TMCO5A: variants seen among roughly 807,000 people sequenced by gnomAD.
The protein encoded by TMCO5A is transmembrane and coiled-coil domain-containing protein 5A.
Under a neutral mutation model 42.3 loss-of-function variants are expected in TMCO5A, and 34 were observed. The ratio of observed to expected loss-of-function variants is 0.80; its 90% confidence interval spans 0.61 to 1.07. The LOEUF (loss-of-function observed/expected upper bound fraction) is 1.07. Ranked by LOEUF, TMCO5A falls within the 50% of genes least tolerant of loss-of-function variation. The pLI is 0.00. For missense variants in TMCO5A, 357 were observed against 327.9 expected, an observed-to-expected ratio of 1.09 and a Z score of -0.69; for synonymous variants, 131 against 115.6, an observed-to-expected ratio of 1.13 and a Z score of -0.86.
the TMCO5A span, among the ~76,000 whole-genome samples, chr15:38,031,420 G>T: frequency 6.6e-6 from 1 of 152,224 alleles, no homozygotes; most frequent in African/African-American, 2.4e-5. Flanking sequence ...CATAGTAGAA[G>T]TGACAACATA....
At chr15:37,973,331 T>C in the TMCO5A span, among the ~76,000 whole-genome samples, 1 of 152,144 alleles carries the variant, frequency 6.6e-6, no homozygotes, top group Non-Finnish European at 1.5e-5. Context: ...ATGTGAAGAA[T>C]GCCATTGACA....
At chr15:37,955,784 G>A (rs1026089845), downstream of TMCO5A, among the ~76,000 whole-genome samples, 3 of 152,066 alleles carry the variant, frequency 2.0e-5, no homozygotes, top group Admixed American at 6.6e-5. Flanking sequence ...CAAATCAACA[G>A]AATATACATT....
At chr15:37,980,637 C>CAAAAAA in the TMCO5A span, among the ~76,000 whole-genome samples, 2 of 83,146 alleles carry the variant, frequency 2.4e-5, no homozygotes, top group Admixed American at 1.6e-4. Flanking sequence ...GCCATCTTGG[C>CAAAAAA]AAAAAAAAAA....
chr15:37,992,544 C>T, the TMCO5A span, among the ~76,000 whole-genome samples: 7 of 152,152 alleles, frequency 4.6e-5, no homozygotes, highest in Non-Finnish European at 8.8e-5. Context: ...GACACATGCA[C>T]GTATACATTC....
the TMCO5A span, among the ~76,000 whole-genome samples, chr15:37,999,813 T>C: frequency 6.6e-6 from 1 of 152,232 alleles, no homozygotes; most frequent in African/African-American, 2.4e-5. Context: ...TCTGTTGATA[T>C]AATGTATCAT....
chr15:37,969,906 A>G (rs546689413), downstream of TMCO5A, among the ~76,000 whole-genome samples: 4 of 152,122 alleles, frequency 2.6e-5, no homozygotes, highest in South Asian at 8.3e-4. Context: ...ACCACATTTT[A>G]TTTATCCTGT....
chr15:38,038,364 T>A, the TMCO5A span, among the ~76,000 whole-genome samples: 6 of 152,124 alleles, frequency 3.9e-5, no homozygotes, highest in African/African-American at 1.4e-4. Context: ...AATTTTGCTT[T>A]GTTATGTATC....
the TMCO5A span, among the ~76,000 whole-genome samples, chr15:38,017,872 G>A: frequency 6.6e-6 from 1 of 152,224 alleles, no homozygotes; most frequent in South Asian, 2.1e-4. Flanking sequence ...CTTCCCCCTT[G>A]CTGTTCTTGT....
the TMCO5A span, chr15:37,984,766 C>G: frequency 7.3e-6 from 1 of 137,092 alleles, no homozygotes; most frequent in Non-Finnish European, 1.5e-5. Flanking sequence ...CTCTTGGAAG[C>G]AGAAAGCAGC....
the TMCO5A span, among the ~76,000 whole-genome samples, chr15:37,976,867 C>T: frequency 6.9e-6 from 1 of 145,286 alleles, no homozygotes; most frequent in Non-Finnish European, 1.5e-5. Flanking sequence ...CTCATTACAA[C>T]CTCCGCCTCC....
chr15:37,969,102 C>A (rs546540163), downstream of TMCO5A, among the ~76,000 whole-genome samples: 1 of 152,234 alleles, frequency 6.6e-6, no homozygotes, highest in South Asian at 2.1e-4. Flanking sequence ...ATAACAGAAA[C>A]ATAGAAGGAG....
intron 4 of TMCO5A, 81 bp from the exon 5 acceptor site, chr15:37,937,265 G>T: frequency 6.7e-7 from 1 of 1,490,164 alleles, no homozygotes. Context: ...AAATATAGCT[G>T]GGGTGAAATG....
chr15:38,007,619 G>A, the TMCO5A span, among the ~76,000 whole-genome samples: 1 of 152,126 alleles, frequency 6.6e-6, no homozygotes, highest in Non-Finnish European at 1.5e-5. Context: ...GGTAGTTAAT[G>A]TCAAAGGCAA....
At chr15:38,027,825 C>T in the TMCO5A span, among the ~76,000 whole-genome samples, 1 of 152,066 alleles carries the variant, frequency 6.6e-6, no homozygotes, top group African/African-American at 2.4e-5. Context: ...CAAGGGGTTT[C>T]CCTCTTTGCT....
chr15:37,949,505 T>C (rs1446679359), intron 11 of TMCO5A, among the ~76,000 whole-genome samples: 3 of 152,178 alleles, frequency 2.0e-5, no homozygotes, highest in African/African-American at 7.2e-5. Context: ...ATAGGAAAAC[T>C]GCCTAGTGGA....
the TMCO5A span, among the ~76,000 whole-genome samples, chr15:38,026,328 G>A: frequency 6.6e-6 from 1 of 152,264 alleles, no homozygotes; most frequent in East Asian, 1.9e-4. Flanking sequence ...GGGACTGGAT[G>A]CAAAGGTGAT....
At chr15:38,006,585 A>G in the TMCO5A span, among the ~76,000 whole-genome samples, 1 of 152,222 alleles carries the variant, frequency 6.6e-6, no homozygotes, top group Non-Finnish European at 1.5e-5. Flanking sequence ...CAGTCCAGTC[A>G]CTTCATTTTA....
the TMCO5A span, among the ~76,000 whole-genome samples, chr15:38,009,914 T>C: frequency 6.6e-6 from 1 of 152,176 alleles, no homozygotes; most frequent in Non-Finnish European, 1.5e-5. Context: ...AGGCTGAGAA[T>C]GCCCCCCCAA....
chr15:38,015,213 CCAGGAT>C, the TMCO5A span, among the ~76,000 whole-genome samples: 2 of 151,972 alleles, frequency 1.3e-5, no homozygotes, highest in African/African-American at 2.4e-5. Context: ...ATAGACACAC[CCAGGAT>C]CAATGCTTTG....
Sources: allele counts gnomAD v4.1 joint callset (sites outside exome capture counted in the v4.1 genomes callset), GRCh38; gene constraint gnomAD v4.1.1; transcripts MANE v1.5; gene names NCBI Gene and HGNC (gene_info 2026-07-23, HGNC 2026-07-21).